Variants in DNAJC5 observed in about 807,000 individuals in gnomAD.
DNAJC5 encodes the protein DnaJ heat shock protein family (Hsp40) member C5.
Under a neutral mutation model 23.2 loss-of-function variants are expected in DNAJC5, and 1 was observed. The ratio of observed to expected loss-of-function variants is 0.04; its 90% CI spans 0.02 to 0.20. The LOEUF is 0.20. Among genes scored for constraint, DNAJC5 ranks in the 10% least tolerant of loss-of-function variants. The pLI, the probability that DNAJC5 is intolerant of heterozygous loss-of-function variation, is 1.00. For synonymous variants in DNAJC5, 136 were observed against 120.0 expected (o/e 1.13, Z -0.87); for missense variants, 180 against 267.0 (o/e 0.67, Z 2.27).
rs1296919849 is a variant in DNAJC5 at position 63,932,271 on chromosome 20, C to T, written c.*703C>T. 6.5e-6 allele frequency: 1 copy of T among 153,606 alleles called. No individual in the cohort carries two copies. Among genetic ancestry groups the T allele is most frequent in the African/African-American group, 2.4e-5 (1 of 41,294 alleles). The allele number at this position is 153,606 out of a possible 1,614,324, so 9.5% of individuals were successfully genotyped here. On this transcript the variant is annotated 3_prime_UTR_variant, in exon 5 of 5. Coordinates refer to ENST00000360864, the MANE Select transcript of DNAJC5 (RefSeq NM_025219.3). The surrounding 1 kb of genome is among the most constrained non-coding windows in gnomAD (Gnocchi z 4.4). ...GCCCCTTCCGAGGTTGACACCGTGT[C>T]CTCCGCGGTGTTTCTCGCCTGGTCG... is the stretch of plus-strand genomic sequence containing the variant.
In DNAJC5 at chr20:63,928,299, T is replaced by C. The variant is rs1185815209; in HGVS notation, c.-11-36T>C. On this transcript the variant is annotated intron_variant, in intron 1 of 4. Coordinates refer to ENST00000360864, the MANE Select transcript of DNAJC5 (RefSeq NM_025219.3). This position sits in a 1 kb window ranked among gnomAD's most constrained non-coding sequence, Gnocchi z 4.6. Reference sequence around the variant, plus strand: ...GCTCTGCCCTTGGTACTTTCATCTATACTTTGTGATACTTTCTTTTTATTT... The same window carrying C: ...GCTCTGCCCTTGGTACTTTCATCTACACTTTGTGATACTTTCTTTTTATTT... 2 of 1,544,342 alleles carry C rather than the reference T, an allele frequency of 1.3e-6. No individual in the cohort carries two copies. The highest frequency in any genetic ancestry group is 8.9e-7 in the Non-Finnish European group (1 of 1,120,460).
intron 1 of DNAJC5, among the ~76,000 whole-genome samples, chr20:63,910,745 T>G (rs1055838087): frequency 1.1e-4 from 16 of 151,372 alleles, no homozygotes; most frequent in Admixed American, 2.0e-4. Context: ...TGATCTCGGC[T>G]CAGTGCAACC....
Position 63,914,018 on chromosome 20 carries a change from C to T in DNAJC5, c.-11-14317C>T, listed in dbSNP as rs192032178. On this transcript the variant is annotated intron_variant, in intron 1 of 4. Coordinates refer to ENST00000360864, the MANE Select transcript of DNAJC5 (RefSeq NM_025219.3). ...TGTCTCTTGAGGCCACCTGCCCAGC[C>T]ACCATCTTGGGGGGACCACAGGAGG... Among the ~76,000 whole-genome samples, 293 of 152,324 alleles carry T rather than the reference C, an allele frequency of 1.9e-3. 1 individual carries two copies. Among genetic ancestry groups the T allele is most frequent in the African/African-American group, 6.8e-3 (283 of 41,578 alleles).
intron 1 of DNAJC5, among the ~76,000 whole-genome samples, chr20:63,913,610 G>A (rs1029940407): frequency 2.0e-5 from 3 of 151,996 alleles, no homozygotes; most frequent in Non-Finnish European, 4.4e-5. Flanking sequence ...GGGTCTCTTT[G>A]TTGCCCAAGC....
intron 1 of DNAJC5, among the ~76,000 whole-genome samples, chr20:63,900,281 G>A (rs1476899278): frequency 6.6e-6 from 1 of 151,966 alleles, no homozygotes; most frequent in African/African-American, 2.4e-5. Context: ...TTTGGGACAT[G>A]TCTCTGAAAA....
At position 63,920,501 on chromosome 20, in the gene DNAJC5, G is replaced by A. The variant is rs969344215; in HGVS notation, c.-11-7834G>A. 1.3e-5 allele frequency among the ~76,000 whole-genome samples: 2 copies of A among 152,192 alleles called. No individual in the cohort carries two copies. The highest frequency in any genetic ancestry group is 2.1e-4 in the South Asian group (1 of 4,832). The stretch of plus-strand genomic sequence containing the variant: ...GAGGTCATAGAGTGGCTGCCCTGGC[G>A]TAGGGAGGGAGGACACGGGTCCCCG... On this transcript the variant is annotated intron_variant, in intron 1 of 4. Transcript: ENST00000360864. This position sits in a 1 kb window ranked among gnomAD's most constrained non-coding sequence, Gnocchi z 4.6.
At chr20:63,922,712 A>G (rs1243100524) in intron 1 of DNAJC5, among the ~76,000 whole-genome samples, 3 of 151,912 alleles carry the variant, frequency 2.0e-5, no homozygotes, top group South Asian at 2.1e-4. Flanking sequence ...TGAGGCTGCC[A>G]TGATCCCTTA....
rs2053713372 is a variant in DNAJC5 at position 63,935,882 on chromosome 20, G to T, written c.*4314G>T. ...TGGAATCCGACCGTGTTGGGGTGCA[G>T]GCGCTGTCAGACTCCGGCTGATCCT... is the stretch of plus-strand genomic sequence containing the variant. On this transcript the variant is annotated 3_prime_UTR_variant, in exon 5 of 5. Transcript: ENST00000360864. 2 of 152,252 alleles carry T rather than the reference G, an allele frequency of 1.3e-5. No individual in the cohort carries two copies. The highest frequency in any genetic ancestry group is 2.4e-5 in the African/African-American group (1 of 41,462). The allele number at this position is 152,252 out of a possible 1,614,324, so 9.4% of individuals were successfully genotyped here.
intron 1 of DNAJC5, among the ~76,000 whole-genome samples, chr20:63,907,583 G>A (rs966658545): frequency 1.3e-5 from 2 of 152,222 alleles, no homozygotes; most frequent in East Asian, 1.9e-4. Context: ...GACCAGGCCC[G>A]TCTCACAGGC....
intron 1 of DNAJC5, among the ~76,000 whole-genome samples, chr20:63,903,456 C>T (rs1243145336): frequency 2.6e-5 from 4 of 152,176 alleles, no homozygotes; most frequent in South Asian, 2.1e-4. Flanking sequence ...TACAGGCATG[C>T]GCCACTACGC....
At chr20:63,927,325 C>G (rs986332730) in intron 1 of DNAJC5, among the ~76,000 whole-genome samples, 1 of 152,104 alleles carries the variant, frequency 6.6e-6, no homozygotes, top group Admixed American at 6.5e-5. Context: ...AGCCTGAGGT[C>G]GGGAATTCAA....
chr20:63,900,280 T>C (rs2053403326), intron 1 of DNAJC5, among the ~76,000 whole-genome samples: 1 of 152,016 alleles, frequency 6.6e-6, no homozygotes, highest in Non-Finnish European at 1.5e-5. Flanking sequence ...GTTTGGGACA[T>C]GTCTCTGAAA....
Position 63,929,824 on chromosome 20 carries a change from A to T in DNAJC5, c.321+299A>T, listed in dbSNP as rs371244374. On this transcript the variant is annotated intron_variant, in intron 3 of 4. Coordinates refer to ENST00000360864, the MANE Select transcript of DNAJC5 (RefSeq NM_025219.3). The surrounding 1 kb of genome is among the most constrained non-coding windows in gnomAD (Gnocchi z 8.6). The stretch of plus-strand genomic sequence containing the variant: ...GCAGAGCCCATGCGTTGATGCCAGC[A>T]ACTCTACACTCCTGAGAAAAGGCTT... Among the ~76,000 whole-genome samples the T allele has an allele frequency of 1.3e-5, 2 of 152,216 alleles. No homozygotes were observed. The highest frequency in any genetic ancestry group is 4.8e-5 in the African/African-American group (2 of 41,460).
rs1476655014 is a variant in DNAJC5 at position 63,920,149 on chromosome 20, G to C, written c.-11-8186G>C. 6.6e-6 allele frequency among the ~76,000 whole-genome samples: 1 copy of C among 152,060 alleles called. No homozygotes were observed. The highest frequency in any genetic ancestry group is 1.5e-5 in the Non-Finnish European group (1 of 68,016). ...CACGGAAGAGGACGCACAGGACAGC[G>C]CCACGGAAGAGGACGCACCCGGCTG... On this transcript the variant is annotated intron_variant, in intron 1 of 4. Coordinates refer to ENST00000360864, the MANE Select transcript of DNAJC5 (RefSeq NM_025219.3). The surrounding 1 kb of genome is among the most constrained non-coding windows in gnomAD (Gnocchi z 4.6).
intron 1 of DNAJC5, among the ~76,000 whole-genome samples, chr20:63,915,337 T>G (rs1438269209): frequency 6.6e-6 from 1 of 152,084 alleles, no homozygotes; most frequent in Admixed American, 6.6e-5. Context: ...AGGGCTGTTG[T>G]TCAGCGACGG....
At chr20:63,912,870 G>A (rs770112391) in intron 1 of DNAJC5, among the ~76,000 whole-genome samples, 4 of 152,172 alleles carry the variant, frequency 2.6e-5, no homozygotes, top group African/African-American at 4.8e-5. Context: ...GCCTCCCAAA[G>A]TGCTGGGATG....
intron 1 of DNAJC5, among the ~76,000 whole-genome samples, chr20:63,919,215 GC>G (rs1306254066): frequency 1.3e-5 from 2 of 152,252 alleles, no homozygotes; most frequent in African/African-American, 4.8e-5. Context: ...GCAGGGACCT[GC>G]TAAACTGCAA....
chr20:63,897,481 C>T (rs772951222), intron 1 of DNAJC5, among the ~76,000 whole-genome samples: 1 of 151,418 alleles, frequency 6.6e-6, no homozygotes. Flanking sequence ...CAGGAGAATC[C>T]CTTGAACCTG....
intron 1 of DNAJC5, among the ~76,000 whole-genome samples, chr20:63,926,014 G>C (rs555325433): frequency 3.8e-4 from 58 of 152,114 alleles, no homozygotes; most frequent in Non-Finnish European, 5.1e-4. Flanking sequence ...ATTTTTATTA[G>C]AGATGGGGTT....
Sources: allele counts gnomAD v4.1 joint callset (sites outside exome capture counted in the v4.1 genomes callset), GRCh38; gene constraint gnomAD v4.1.1; non-coding constraint Gnocchi (gnomAD v3.1); transcripts MANE v1.5; gene names NCBI Gene and HGNC (gene_info 2026-07-23, HGNC 2026-07-21).